Variants in PCSK2 observed in about 807,000 individuals in gnomAD.
PCSK2 encodes the protein proprotein convertase subtilisin/kexin type 2.
A neutral mutation model predicts 69.7 loss-of-function variants in PCSK2; 14 were observed. The observed-to-expected ratio is 0.20, with a 90% CI of 0.13 to 0.31. The LOEUF is 0.31. Ranked by LOEUF, PCSK2 falls within the 10% of genes least tolerant of loss-of-function variation. The pLI is 1.00. For missense variants in PCSK2, 544 were observed against 842.5 expected (o/e 0.65, Z 4.39); for synonymous variants, 307 against 320.7 (o/e 0.96, Z 0.46).
At chr20:17,443,135 G>A (rs1348771716) in intron 8 of PCSK2, among the ~76,000 whole-genome samples, 1 of 152,138 alleles carries the variant, frequency 6.6e-6, no homozygotes, top group Admixed American at 6.5e-5. Context: ...ACAATTATGA[G>A]ATGGGAAACA....
chr20:17,401,019 G>C (rs2123288450), intron 5 of PCSK2, among the ~76,000 whole-genome samples: 1 of 152,286 alleles, frequency 6.6e-6, no homozygotes, highest in Middle Eastern at 3.4e-3. Flanking sequence ...CTTTAGGGTA[G>C]AGTCTTAGAG....
chr20:17,408,218 C>T (rs1247480761), intron 5 of PCSK2, among the ~76,000 whole-genome samples: 2 of 151,798 alleles, frequency 1.3e-5, no homozygotes, highest in Non-Finnish European at 2.9e-5. Context: ...CATTTCAGAC[C>T]CCCAAAACAA....
chr20:17,316,215 C>A (rs780587683), intron 2 of PCSK2, among the ~76,000 whole-genome samples: 5 of 152,218 alleles, frequency 3.3e-5, no homozygotes, highest in African/African-American at 4.8e-5. Flanking sequence ...CAGGACATGC[C>A]TCTCTTTTTG....
chr20:17,445,814 G>A (rs183076050), intron 8 of PCSK2, among the ~76,000 whole-genome samples: 2 of 152,376 alleles, frequency 1.3e-5, no homozygotes, highest in African/African-American at 4.8e-5. Context: ...CTGCTGCAGC[G>A]TGGAATCTGC....
intron 2 of PCSK2, among the ~76,000 whole-genome samples, chr20:17,287,923 C>A (rs1376047415): frequency 6.6e-6 from 1 of 152,174 alleles, no homozygotes; most frequent in Non-Finnish European, 1.5e-5. Flanking sequence ...CCTTGATGTA[C>A]CCTCCCCCAG....
intron 2 of PCSK2, among the ~76,000 whole-genome samples, chr20:17,280,942 T>C (rs1462009189): frequency 6.6e-6 from 1 of 152,218 alleles, no homozygotes; most frequent in Non-Finnish European, 1.5e-5. Context: ...ATCCACTGCA[T>C]TTTCACTTGT....
chr20:17,466,573 G>A (rs1162040659), intron 11 of PCSK2, among the ~76,000 whole-genome samples: 2 of 152,280 alleles, frequency 1.3e-5, no homozygotes, highest in Middle Eastern at 3.4e-3. Context: ...CCCCACCTTG[G>A]CAAGTGGATT....
At chr20:17,394,477 A>G (rs912972167) in intron 5 of PCSK2, among the ~76,000 whole-genome samples, 1 of 152,150 alleles carries the variant, frequency 6.6e-6, no homozygotes, top group Non-Finnish European at 1.5e-5. Context: ...TAGGGGATGG[A>G]AAAGTGAGGG....
At chr20:17,277,609 A>C (rs1391736431) in intron 2 of PCSK2, among the ~76,000 whole-genome samples, 2 of 142,466 alleles carry the variant, frequency 1.4e-5, no homozygotes, top group Non-Finnish European at 3.2e-5. Flanking sequence ...CTAAAACCAT[A>C]AAAACCCTAG....
At chr20:17,253,039 A>G (rs896319933) in intron 1 of PCSK2, among the ~76,000 whole-genome samples, 1 of 152,178 alleles carries the variant, frequency 6.6e-6, no homozygotes, top group Non-Finnish European at 1.5e-5. Flanking sequence ...GGAATATACA[A>G]CCTTATAGGG....
intron 5 of PCSK2, among the ~76,000 whole-genome samples, chr20:17,375,959 T>C (rs2030913213): frequency 6.6e-6 from 1 of 152,200 alleles, no homozygotes; most frequent in Non-Finnish European, 1.5e-5. Context: ...CCTTGTGACA[T>C]GTTTTAAGCA....
intron 2 of PCSK2, among the ~76,000 whole-genome samples, chr20:17,331,841 A>G (rs551355602): frequency 6.6e-5 from 10 of 152,228 alleles, no homozygotes; most frequent in African/African-American, 2.4e-4. Context: ...GACTCAGAAA[A>G]GTAAAGTAAT....
chr20:17,260,322 A>C lies in PCSK2; in HGVS notation c.260A>C (p.Gln87Pro). Reference sequence around the variant, plus strand: ...AGAAGACGCAGCCTACACCACAAGCAGCAGCTGGAGAGAGACCCCAGGGTG... The same window carrying C: ...AGAAGACGCAGCCTACACCACAAGCCGCAGCTGGAGAGAGACCCCAGGGTG... ...AKRRRSLHHK[Q>P]QLERDPRVKM... Residue 87 changes from glutamine (Q) to proline (P), a missense_variant, in exon 2 of 12, where the codon CAG becomes CCG. Gln to Pro is a moderately conservative substitution (Grantham distance 76, BLOSUM62 -1). This residue lies in a region of PCSK2 where 157 missense variants were observed against 155.0 expected (regional missense o/e 1.01). Coordinates refer to ENST00000262545, the MANE Select transcript of PCSK2 (RefSeq NM_002594.5). 6.2e-7 allele frequency: 1 copy of C among 1,613,258 alleles called. No homozygotes were observed. The highest frequency in any genetic ancestry group is 8.5e-7 in the Non-Finnish European group (1 of 1,179,162).
chr20:17,480,580 T>C (rs1350999668), intron 11 of PCSK2, among the ~76,000 whole-genome samples: 1 of 152,198 alleles, frequency 6.6e-6, no homozygotes, highest in Non-Finnish European at 1.5e-5. Flanking sequence ...ACATTATGAG[T>C]TCCTGCCTCA....
intron 5 of PCSK2, among the ~76,000 whole-genome samples, chr20:17,370,089 C>T (rs961185873): frequency 3.9e-5 from 6 of 152,196 alleles, no homozygotes; most frequent in African/African-American, 9.7e-5. Context: ...TAAACAGAAT[C>T]GATCACTTAT....
At chr20:17,419,259 G>T (rs773932393) in intron 6 of PCSK2, among the ~76,000 whole-genome samples, 13 of 152,200 alleles carry the variant, frequency 8.5e-5, no homozygotes, top group South Asian at 2.1e-4. Flanking sequence ...CCTTGTGCTC[G>T]ATTTGCTTTT....
intron 2 of PCSK2, 22 bp downstream of exon 2, chr20:17,260,366 G>A: frequency 6.6e-7 from 1 of 1,518,844 alleles, no homozygotes; most frequent in Non-Finnish European, 9.1e-7. Context: ...CCAGAAACCT[G>A]CCTCCCAATC....
At chr20:17,245,837 A>G (rs1220012930) in intron 1 of PCSK2, among the ~76,000 whole-genome samples, 14 of 152,118 alleles carry the variant, frequency 9.2e-5, no homozygotes, top group Non-Finnish European at 1.5e-5. Flanking sequence ...AATCTGTTTG[A>G]CTTGTGGAGG....
intron 1 of PCSK2, 40 bp downstream of exon 1, chr20:17,227,522 G>C (rs1568561234): frequency 2.7e-6 from 4 of 1,508,822 alleles, no homozygotes; most frequent in Non-Finnish European, 3.7e-6. Flanking sequence ...TTTCAAAACG[G>C]GGGGACGGGG....
Sources: allele counts gnomAD v4.1 joint callset (sites outside exome capture counted in the v4.1 genomes callset), GRCh38; gene constraint gnomAD v4.1.1; regional missense constraint gnomAD v4.1.1; transcripts MANE v1.5; gene names NCBI Gene and HGNC (gene_info 2026-07-23, HGNC 2026-07-21).